The following EPPK1 variants were observed in gnomAD, a reference collection of about 807,000 sequenced individuals.
EPPK1 encodes the protein epiplakin.
For synonymous variants in EPPK1, 1,862 were observed against 1,721.2 expected (o/e 1.08, Z -2.03); for missense variants, 3,823 against 3,673.3 (o/e 1.04, Z -1.05).
Position 143,866,947 on chromosome 8 carries a change from G to A in EPPK1, c.6307C>T (p.Leu2103=). ...EHIDDETRRA[L]EAEQVEITVG... is the part of the protein sequence containing the mutation. ...GTGATTTCCACTTGCTCTGCCTCCA[G>A]GGCCCTTCTCGTCTCGTCATCGATG... is the stretch of plus-strand genomic sequence containing the variant. The change falls in exon 2 of 2, where the codon CTG becomes TTG. Residue 2103 remains leucine (L), a synonymous_variant. Transcript: ENST00000615648. 6 of 1,612,860 alleles carry A rather than the reference G, an allele frequency of 3.7e-6. No homozygotes were observed. Among genetic ancestry groups the A allele is most frequent in the Admixed American group, 3.3e-5 (2 of 60,026 alleles).
At position 143,873,024 on chromosome 8, in the gene EPPK1, G is replaced by A. The variant is rs1554661807; in HGVS notation, c.230C>T (p.Ala77Val). The stretch of plus-strand genomic sequence containing the variant: ...CACCAGGCCCCCAGTGGCTGCCTGG[G>A]CCTCTAGCAGAGCCTGCCCGAGCCC... ...PAGLGQALLE[A>V]QAATGGLVDL... The change falls in exon 2 of 2, where the codon GCC (alanine) becomes GTC (valine). Residue 77 changes from alanine (A) to valine (V), a missense_variant. Transcript: ENST00000615648. 4 of 1,571,914 alleles carry A rather than the reference G, an allele frequency of 2.5e-6. No homozygotes were observed. The highest frequency in any genetic ancestry group is 1.2e-5 in the South Asian group (1 of 86,934).
chr8:143,869,469 A>G lies in EPPK1; in HGVS notation c.3785T>C (p.Ile1262Thr). The G allele has an allele frequency of 1.3e-6, 2 of 1,554,118 alleles. No individual in the cohort carries two copies. The highest frequency in any genetic ancestry group is 1.7e-6 in the Non-Finnish European group (2 of 1,154,606). Residue 1262 changes from isoleucine to threonine, a missense_variant, in exon 2 of 2, where the codon ATC becomes ACC. Physicochemically the swap from Ile to Thr is moderately conservative, Grantham distance 89 (BLOSUM62 -1). Coordinates refer to ENST00000615648, the MANE Select transcript of EPPK1 (RefSeq NM_031308.4). The stretch of plus-strand genomic sequence containing the variant: ...GAGGCCATCCCTCACGGCCTGGGCG[A>G]TGCTGGCCTTGGCCCCAGAGGGCTG... Reference protein sequence around the residue: ...LLQPSGAKASIAQAVRDGLLP... With the variant: ...LLQPSGAKASTAQAVRDGLLP...
Position 143,869,321 on chromosome 8 carries a change from C to T in EPPK1, c.3933G>A (p.Arg1311=). The T allele has an allele frequency of 1.9e-6, 3 of 1,606,504 alleles. No individual in the cohort carries two copies. The highest frequency in any genetic ancestry group is 1.1e-5 in the South Asian group (1 of 90,424). Reference sequence around the variant, plus strand: ...CCTGCCCGAGCTGCTCACTCAGCTCCCTGCCCACCAGGCCGACCTTAACCG... The same window carrying T: ...CCTGCCCGAGCTGCTCACTCAGCTCTCTGCCCACCAGGCCGACCTTAACCG... ...EDAVKVGLVG[R]ELSEQLGQAE... The change falls in exon 2 of 2, where the codon AGG becomes AGA. Residue 1311 remains arginine, a synonymous_variant. Transcript: ENST00000615648.
Position 143,857,944 on chromosome 8 carries a change from C to A in EPPK1, c.*43G>T. 1.7e-6 allele frequency: 2 copies of A among 1,159,108 alleles called. No individual in the cohort carries two copies. The highest frequency in any genetic ancestry group is 2.4e-6 in the Non-Finnish European group (2 of 829,512). 71.8% of individuals were successfully genotyped at this position (1,159,108 alleles called of 1,614,324 possible). ...ACAACCCAGACACACAAGTATGCCT[C>A]CACTTCTCCAGAGTTGCAGAAAACT... On this transcript the variant is annotated 3_prime_UTR_variant, in exon 2 of 2. Coordinates refer to ENST00000615648, the MANE Select transcript of EPPK1 (RefSeq NM_031308.4).
rs782179779 is a variant in EPPK1, at chr8:143,866,882, T to C, written c.6372A>G (p.Ala2124=). 3.1e-6 allele frequency: 5 copies of C among 1,613,102 alleles called. No homozygotes were observed. In the South Asian group the frequency reaches 3.3e-5, roughly 11 times the overall value. Residue 2124 remains alanine, a synonymous_variant, in exon 2 of 2, where the codon GCA becomes GCG. Transcript: ENST00000615648. ...CTGTCACGTATTCGGAATTCAGTAG[T>C]GCCCACAGTGTTGGTTTCTGGCCTC... The part of the protein sequence containing the change: ...RFRGQKPTLW[A]LLNSEYVTEE...
At chr8:143,876,094 C>T (rs1684228735) in intron 1 of EPPK1, among the ~76,000 whole-genome samples, 1 of 152,362 alleles carries the variant, frequency 6.6e-6, no homozygotes, top group African/African-American at 2.4e-5. Context: ...GGCTATGCTG[C>T]TCCCAGGCCC....
chr8:143,875,454 A>G (rs2130658375), intron 1 of EPPK1, among the ~76,000 whole-genome samples: 1 of 152,322 alleles, frequency 6.6e-6, no homozygotes, highest in East Asian at 1.9e-4. Flanking sequence ...AGGGCTCACC[A>G]TCACCTCACT....
At position 143,867,054 on chromosome 8, in the gene EPPK1, T is replaced by C. The variant is rs373346250; in HGVS notation, c.6200A>G (p.Glu2067Gly). Reference protein sequence around the residue: ...PNTQEKVSYRELQERCRPQED... With the variant: ...PNTQEKVSYRGLQERCRPQED... ...TTGTGGGCGGCACCTCTCCTGCAGC[T>C]CTCGGTACGAGACCTTCTCTTGCGT... Residue 2067 changes from glutamate to glycine, a missense_variant, in exon 2 of 2, where the codon GAG becomes GGG. By Grantham distance (98) the Glu-to-Gly change is moderately conservative. Coordinates refer to ENST00000615648, the MANE Select transcript of EPPK1 (RefSeq NM_031308.4). 1.3e-4 allele frequency: 210 copies of C among 1,612,742 alleles called. No homozygotes were observed. Among genetic ancestry groups the C allele is most frequent in the Non-Finnish European group, 1.7e-4 (201 of 1,179,868 alleles).
Position 143,865,406 on chromosome 8 carries a change from CT to C in EPPK1, c.7847del (p.Gln2616ArgfsTer53), listed in dbSNP as rs1563877811. ...CGGCCTCCTGGGTCTCGCCCTCCCC[CT>C]GGCCCTCTCGCTGGGAGCGCCCCGA... Reference protein sequence around the residue: ...GDSGRSQREGQGEGETQEAAA... With the variant: ...GDSGRSQREGXGEGETQEAAA... On this transcript the variant is annotated frameshift_variant, in exon 2 of 2. Coordinates refer to ENST00000615648, the MANE Select transcript of EPPK1 (RefSeq NM_031308.4). LOFTEE classifies it low-confidence loss of function (END_TRUNC). The C allele has an allele frequency of 3.4e-6, 1 of 294,500 alleles. No homozygotes were observed. The highest frequency in any genetic ancestry group is 5.3e-6 in the Non-Finnish European group (1 of 189,166). The allele number at this position is 294,500 out of a possible 1,614,324, so 18.2% of individuals were successfully genotyped here.
Position 143,869,000 on chromosome 8 carries a change from C to T in EPPK1, c.4254G>A (p.Arg1418=), listed in dbSNP as rs782402436. Residue 1418 remains arginine (R), a synonymous_variant, in exon 2 of 2, where the codon AGG becomes AGA. Transcript: ENST00000615648. ...ARDQVTYQQL[R]ERCVCDSETG... ...TCTCGGAGTCGCACACGCAGCGCTC[C>T]CTGAGCTGCTGGTAGGTCACCTGGT... The T allele has an allele frequency of 6.2e-7, 1 of 1,610,390 alleles. No individual in the cohort carries two copies. Among genetic ancestry groups the T allele is most frequent in the Admixed American group, 1.7e-5 (1 of 60,022 alleles).
rs782259204 is a variant in EPPK1, at chr8:143,868,323, G to A, written c.4931C>T (p.Ser1644Leu). ...FGKETYVKLL[S>L]AERAVTGYTD... ...GTAGCCGGTGACGGCGCGCTCGGCC[G>A]ACAGCAGCTTCACGTAGGTTTCTTT... The change falls in exon 2 of 2, where the codon TCG becomes TTG. Residue 1644 changes from serine (S) to leucine (L), a missense_variant. By Grantham distance (145) the Ser-to-Leu change is moderately radical (BLOSUM62 -2). Coordinates refer to ENST00000615648, the MANE Select transcript of EPPK1 (RefSeq NM_031308.4). 39 of 1,613,128 alleles carry A rather than the reference G, an allele frequency of 2.4e-5. No homozygotes were observed. Among genetic ancestry groups the A allele is most frequent in the Middle Eastern group, 1.6e-4 (1 of 6,062 alleles).
intron 1 of EPPK1, among the ~76,000 whole-genome samples, chr8:143,875,343 G>A (rs1819458770): frequency 6.6e-6 from 1 of 152,176 alleles, no homozygotes; most frequent in African/African-American, 2.4e-5. Flanking sequence ...CAAAACCCTG[G>A]CCCTCTCCCT....
intron 1 of EPPK1, among the ~76,000 whole-genome samples, chr8:143,876,556 C>A (rs934890752): frequency 6.6e-6 from 1 of 152,158 alleles, no homozygotes; most frequent in East Asian, 1.9e-4. Context: ...CTGAGGCCAT[C>A]CTGAGACCAC....
chr8:143,868,731 A>G lies in EPPK1; in HGVS notation c.4523T>C (p.Leu1508Pro), dbSNP rs782623089. The G allele has an allele frequency of 1.3e-5, 20 of 1,581,860 alleles. No homozygotes were observed. The Admixed American group carries it at 1.6e-4, about 13-fold the overall frequency. ...GGGCTGCCTCTCTGCAGCCTCGACC[A>G]GGGTGGTGACTGCGCTGACCACCTG... ...LRQVVSAVTTLVEAAERQPLQ... is the reference protein window; with the variant it reads ...LRQVVSAVTTPVEAAERQPLQ... Residue 1508 changes from leucine (L) to proline (P), a missense_variant, in exon 2 of 2, where the codon CTG becomes CCG. Coordinates refer to ENST00000615648, the MANE Select transcript of EPPK1 (RefSeq NM_031308.4).
upstream of EPPK1, among the ~76,000 whole-genome samples, chr8:143,878,941 C>T (rs1554662799): frequency 6.6e-6 from 1 of 152,156 alleles, no homozygotes; most frequent in Non-Finnish European, 1.5e-5. Context: ...CCCCTGCCCC[C>T]ATGACGTTGT....
chr8:143,875,737 C>T (rs1339878875), intron 1 of EPPK1, among the ~76,000 whole-genome samples: 1 of 152,262 alleles, frequency 6.6e-6, no homozygotes, highest in African/African-American at 2.4e-5. Flanking sequence ...ACAGTCTGCC[C>T]CAGCCAAAAG....
chr8:143,867,022 T>A lies in EPPK1; in HGVS notation c.6232A>T (p.Thr2078Ser), dbSNP rs1260073543. The A allele has an allele frequency of 6.2e-7, 1 of 1,612,718 alleles. No homozygotes were observed. The highest frequency in any genetic ancestry group is 1.7e-5 in the Admixed American group (1 of 60,004). ...LQERCRPQED[T>S]GWLLFPVNKA... ...TTCACTGGGAACAGCAGCCAGCCCG[T>A]GTCCTCTTGTGGGCGGCACCTCTCC... Residue 2078 changes from threonine to serine, a missense_variant, in exon 2 of 2, where the codon ACG (threonine) becomes TCG (serine). Thr to Ser is a moderately conservative substitution (Grantham distance 58). Transcript: ENST00000615648.
In EPPK1 at chr8:143,866,781, A is replaced by G; in HGVS notation, c.6473T>C (p.Ile2158Thr). 6.2e-7 allele frequency: 1 copy of G among 1,613,474 alleles called. No individual in the cohort carries two copies. The highest frequency in any genetic ancestry group is 8.5e-7 in the Non-Finnish European group (1 of 1,179,874). The part of the protein sequence containing the change: ...RRALQTVAQL[I>T]LELIEKQETS... ...TTCCTGCTTCTCGATCAACTCTAAGATGAGCTGCGCTACCGTCTGCAGTGC... is the reference window on the plus strand; with the variant it reads ...TTCCTGCTTCTCGATCAACTCTAAGGTGAGCTGCGCTACCGTCTGCAGTGC... The change falls in exon 2 of 2, where the codon ATC (isoleucine) becomes ACC (threonine). Residue 2158 changes from isoleucine (I) to threonine (T), a missense_variant. Coordinates refer to ENST00000615648, the MANE Select transcript of EPPK1 (RefSeq NM_031308.4).
Position 143,871,137 on chromosome 8 carries a change from A to G in EPPK1, c.2117T>C (p.Met706Thr). Residue 706 changes from methionine to threonine, a missense_variant, in exon 2 of 2, where the codon ATG becomes ACG. By Grantham distance (81) the Met-to-Thr change is moderately conservative (BLOSUM62 -1). Transcript: ENST00000615648. The part of the protein sequence containing the change: ...TGQQISLFQA[M>T]QKGLIVREHG... ...CTCCCGGACGATGAGGCCCTTCTGCATGGCCTGGAAGAGGGAGATCTGCTG... is the reference window on the plus strand; with the variant it reads ...CTCCCGGACGATGAGGCCCTTCTGCGTGGCCTGGAAGAGGGAGATCTGCTG... 1 of 1,613,190 alleles carries G rather than the reference A, an allele frequency of 6.2e-7. No homozygotes were observed. Among genetic ancestry groups the G allele is most frequent in the East Asian group, 2.2e-5 (1 of 44,876 alleles).
Sources: gnomAD v4.1 joint callset for allele counts (sites outside exome capture counted in the v4.1 genomes callset) on GRCh38, gnomAD v4.1.1 for gene constraint, MANE v1.5 for transcripts, NCBI Gene and HGNC (gene_info 2026-07-23, HGNC 2026-07-21) for gene names.